UBXN4: variants seen among roughly 807,000 people sequenced by gnomAD.
The protein encoded by UBXN4 is UBX domain protein 4, also known as UBX domain-containing protein 4.
Under a neutral mutation model 66.2 loss-of-function variants are expected in UBXN4, and 35 were observed. The observed-to-expected ratio is 0.53, with a 90% CI of 0.40 to 0.70. UBXN4 has a LOEUF of 0.70. Ranked by LOEUF, UBXN4 falls within the 30% of genes least tolerant of loss-of-function variation. The pLI is 0.00. For missense variants in UBXN4, 533 were observed against 599.8 expected (o/e 0.89, Z 1.16); for synonymous variants, 203 against 204.5 (o/e 0.99, Z 0.06).
chr2:135,742,943 G>A (rs566596772), intron 1 of UBXN4, among the ~76,000 whole-genome samples: 1 of 152,206 alleles, frequency 6.6e-6, no homozygotes, highest in East Asian at 1.9e-4. Context: ...GTTGCTCTAG[G>A]CTATTTTGCT....
chr2:135,775,971 G>T (rs914116962), intron 9 of UBXN4, among the ~76,000 whole-genome samples: 1 of 152,138 alleles, frequency 6.6e-6, no homozygotes, highest in Non-Finnish European at 1.5e-5. Context: ...GTTTCACCAC[G>T]TTGGCCCGGC....
chr2:135,756,632 C>A (rs2077280099), intron 5 of UBXN4, among the ~76,000 whole-genome samples: 1 of 152,140 alleles, frequency 6.6e-6, no homozygotes, highest in South Asian at 2.1e-4. Context: ...AGGTCTACGA[C>A]AGAATAATTA....
intron 1 of UBXN4, 121 bp downstream of exon 1, chr2:135,742,132 A>G (rs557874721): frequency 7.6e-6 from 9 of 1,183,490 alleles, no homozygotes; most frequent in African/African-American, 4.6e-5. Flanking sequence ...GGCTCGCACA[A>G]TTGCCACTAC....
chr2:135,766,806 T>C (rs553707729), intron 6 of UBXN4, among the ~76,000 whole-genome samples: 2 of 152,318 alleles, frequency 1.3e-5, no homozygotes, highest in South Asian at 4.1e-4. Flanking sequence ...ATGGGGTGAT[T>C]CAAATGGTAA....
rs1459210147 is a variant in UBXN4, at chr2:135,748,386, A to T, written c.185+17A>T. ...TACCAAAAGGTTTGTTTATGTTTTA[A>T]TATTTTATTAATTTTAAAATTTATA... On this transcript the variant is annotated intron_variant, in intron 2 of 12. Coordinates refer to ENST00000272638, the MANE Select transcript of UBXN4 (RefSeq NM_014607.4). 33 of 1,511,790 alleles carry T rather than the reference A, an allele frequency of 2.2e-5. No individual in the cohort carries two copies. In the East Asian group the frequency reaches 7.8e-4, roughly 36 times the overall value. 93.6% of individuals were successfully genotyped at this position (1,511,790 alleles called of 1,614,324 possible). A position where few individuals can be genotyped will look rare whatever the true frequency, so the allele number is the denominator to read the frequency against.
chr2:135,776,479 C>A, intron 10 of UBXN4, 128 bp downstream of exon 10: 1 of 678,626 alleles, frequency 1.5e-6, no homozygotes, highest in Non-Finnish European at 2.4e-6. Flanking sequence ...GCACAAGACG[C>A]CTCTGAGATA....
In UBXN4 at chr2:135,783,082, C is replaced by G. The variant is rs571973409; in HGVS notation, c.*195C>G. 534 of 527,056 alleles carry G rather than the reference C, an allele frequency of 1.0e-3. 1 individual carries two copies. Among genetic ancestry groups the G allele is most frequent in the Non-Finnish European group, 1.5e-3 (473 of 316,630 alleles). 32.6% of individuals were successfully genotyped at this position (527,056 alleles called of 1,614,324 possible). On this transcript the variant is annotated 3_prime_UTR_variant, in exon 13 of 13. Coordinates refer to ENST00000272638, the MANE Select transcript of UBXN4 (RefSeq NM_014607.4). ...GACAGGAAATAACTCTCTGCTAGGTCCTTGCTTATATGGCAACCACTGCTA... is the reference window on the plus strand; with the variant it reads ...GACAGGAAATAACTCTCTGCTAGGTGCTTGCTTATATGGCAACCACTGCTA...
Position 135,772,518 on chromosome 2 carries a change from CAA to C in UBXN4, c.922_923del (p.Lys308GlufsTer20). The part of the protein sequence containing the change: ...LLAKQAEMEV[K>X]RESYARERST... ...TAGCAAAACAGGCAGAAATGGAAGT[CAA>C]GAGGGAATCTTATGCAAGAGAAAGA... On this transcript the variant is annotated frameshift_variant, in exon 9 of 13. Coordinates refer to ENST00000272638, the MANE Select transcript of UBXN4 (RefSeq NM_014607.4). LOFTEE classifies it high-confidence loss of function. The C allele has an allele frequency of 6.2e-7, 1 of 1,613,862 alleles. No homozygotes were observed.
chr2:135,783,117 A>G lies in UBXN4; in HGVS notation c.*230A>G, dbSNP rs2077460154. On this transcript the variant is annotated 3_prime_UTR_variant, in exon 13 of 13. Coordinates refer to ENST00000272638, the MANE Select transcript of UBXN4 (RefSeq NM_014607.4). ...ATGGCAACCACTGCTAGAACCCTAA[A>G]AGAACCAAAAATCTGCCACAGCCTG... 5.6e-6 allele frequency: 2 copies of G among 356,722 alleles called. No individual in the cohort carries two copies. Among genetic ancestry groups the G allele is most frequent in the African/African-American group, 4.1e-5 (2 of 48,416 alleles). 22.1% of individuals were successfully genotyped at this position (356,722 alleles called of 1,614,324 possible).
chr2:135,773,805 A>G (rs1434094640), intron 9 of UBXN4, among the ~76,000 whole-genome samples: 2 of 152,260 alleles, frequency 1.3e-5, no homozygotes, highest in African/African-American at 2.4e-5. Flanking sequence ...TTTTCCAAAA[A>G]TAATGAAGTA....
chr2:135,773,260 T>C (rs1226505845), intron 9 of UBXN4, among the ~76,000 whole-genome samples: 1 of 152,192 alleles, frequency 6.6e-6, no homozygotes, highest in Non-Finnish European at 1.5e-5. Flanking sequence ...TCCAGCAATC[T>C]AAAGGATACC....
At chr2:135,758,730 C>G (rs946505261) in intron 5 of UBXN4, among the ~76,000 whole-genome samples, 3 of 151,864 alleles carry the variant, frequency 2.0e-5, no homozygotes, top group African/African-American at 7.3e-5. Flanking sequence ...GAATATAAAT[C>G]TTTTAAGATT....
intron 6 of UBXN4, among the ~76,000 whole-genome samples, chr2:135,765,090 A>G (rs904403785): frequency 2.0e-5 from 3 of 152,218 alleles, no homozygotes; most frequent in African/African-American, 7.2e-5. Flanking sequence ...CTGAGATTAC[A>G]GGCTTGAGCC....
chr2:135,776,867 T>C (rs906888174), intron 10 of UBXN4, among the ~76,000 whole-genome samples: 4 of 152,230 alleles, frequency 2.6e-5, no homozygotes, highest in African/African-American at 9.6e-5. Context: ...GCGTTGGGAT[T>C]ACAGGCGTGA....
At chr2:135,746,893 T>G (rs547760873) in intron 1 of UBXN4, among the ~76,000 whole-genome samples, 1 of 151,558 alleles carries the variant, frequency 6.6e-6, no homozygotes. Context: ...TTTTTTTTTT[T>G]AGAGAAAGTT....
chr2:135,769,050 T>C (rs1194011383), intron 6 of UBXN4, among the ~76,000 whole-genome samples: 1 of 152,102 alleles, frequency 6.6e-6, no homozygotes, highest in Non-Finnish European at 1.5e-5. Flanking sequence ...TCACCCAGGC[T>C]GGAATGCAGT....
At chr2:135,768,160 C>G (rs1002991901) in intron 6 of UBXN4, among the ~76,000 whole-genome samples, 3 of 152,118 alleles carry the variant, frequency 2.0e-5, no homozygotes, top group Non-Finnish European at 4.4e-5. Context: ...TGTGCATCCA[C>G]TACCACTGTC....
At chr2:135,773,023 C>T (rs527275144) in intron 9 of UBXN4, among the ~76,000 whole-genome samples, 6 of 113,996 alleles carry the variant, frequency 5.3e-5, no homozygotes, top group Admixed American at 1.2e-4. Flanking sequence ...GGCGACAGAG[C>T]GAGACTCCGT....
chr2:135,780,029 A>G, intron 11 of UBXN4, 154 bp from the exon 12 acceptor site: 2 of 619,734 alleles, frequency 3.2e-6, no homozygotes, highest in Non-Finnish European at 2.8e-6. Context: ...GTTTATATAT[A>G]CGTGAAAAAC....
Sources: allele counts gnomAD v4.1 joint callset (sites outside exome capture counted in the v4.1 genomes callset), GRCh38; gene constraint gnomAD v4.1.1; transcripts MANE v1.5; gene names NCBI Gene and HGNC (gene_info 2026-07-23, HGNC 2026-07-21).